CHL1: variants seen among roughly 807,000 people sequenced by gnomAD.
CHL1 encodes neural cell adhesion molecule L1-like protein.
A neutral mutation model predicts 141.9 loss-of-function variants in CHL1; 96 were observed. The ratio of observed to expected loss-of-function variants is 0.68; its 90% CI spans 0.57 to 0.80. CHL1 has a LOEUF of 0.80. CHL1 is among the 30% of genes least tolerant of loss of function. CHL1 has a pLI of 0.00. For synonymous variants in CHL1, 613 were observed against 502.2 expected (o/e 1.22, Z -2.95); for missense variants, 1,820 against 1,457.2 (o/e 1.25, Z -4.05).
intron 4 of CHL1, among the ~76,000 whole-genome samples, chr3:326,555 G>A (rs887033657): frequency 8.6e-5 from 13 of 151,326 alleles, no homozygotes; most frequent in African/African-American, 2.4e-4. Context: ...GAGTACTATT[G>A]CATGATATAC....
chr3:255,394 C>T (rs372921), intron 2 of CHL1, among the ~76,000 whole-genome samples: 25,234 of 152,120 alleles, frequency 0.17, 2,347 homozygotes, highest in East Asian at 0.39. Flanking sequence ...TTCTATGCTG[C>T]ATTGACTTAC....
intron 5 of CHL1, among the ~76,000 whole-genome samples, chr3:336,069 A>C (rs933794932): frequency 2.0e-5 from 3 of 152,248 alleles, no homozygotes; most frequent in African/African-American, 7.2e-5. Context: ...AAACATATTA[A>C]GTAGCAGATT....
intron 2 of CHL1, among the ~76,000 whole-genome samples, chr3:296,508 G>A (rs779952683): frequency 7.9e-5 from 12 of 151,744 alleles, no homozygotes; most frequent in African/African-American, 1.7e-4. Context: ...AACCACGGTC[G>A]TCGGCACTTT....
intron 3 of CHL1, among the ~76,000 whole-genome samples, chr3:320,685 G>A (rs949511742): frequency 6.6e-6 from 1 of 151,822 alleles, no homozygotes; most frequent in African/African-American, 2.4e-5. Flanking sequence ...ACAATATAGT[G>A]AGACTTTGTT....
intron 2 of CHL1, among the ~76,000 whole-genome samples, chr3:285,195 C>A (rs924965973): frequency 3.3e-5 from 5 of 152,154 alleles, no homozygotes; most frequent in African/African-American, 1.2e-4. Context: ...ACTGGAATTG[C>A]AAGTCAAACA....
intron 5 of CHL1, among the ~76,000 whole-genome samples, chr3:330,033 C>G (rs1701316164): frequency 6.6e-6 from 1 of 152,000 alleles, no homozygotes; most frequent in Non-Finnish European, 1.5e-5. Context: ...CAATCACAAG[C>G]TCCATCTAAT....
chr3:350,751 A>G (rs1011453663), intron 10 of CHL1, among the ~76,000 whole-genome samples: 1 of 152,176 alleles, frequency 6.6e-6, no homozygotes, highest in African/African-American at 2.4e-5. Flanking sequence ...GGAAGAATAG[A>G]AAACCGAAGT....
chr3:366,470 C>CA (rs5845967), intron 15 of CHL1, among the ~76,000 whole-genome samples: 4,855 of 134,664 alleles, frequency 0.036, 109 homozygotes, highest in African/African-American at 0.07. Flanking sequence ...GACTCTGTCT[C>CA]AAAAAAAAAA....
intron 2 of CHL1, among the ~76,000 whole-genome samples, chr3:269,177 G>T (rs1377137845): frequency 6.6e-6 from 1 of 152,182 alleles, no homozygotes; most frequent in Non-Finnish European, 1.5e-5. Context: ...AGTTTTGGAG[G>T]CAGGAAGGAG....
chr3:320,881 T>C (rs1229094987), intron 3 of CHL1, among the ~76,000 whole-genome samples: 3 of 152,082 alleles, frequency 2.0e-5, no homozygotes, highest in Non-Finnish European at 4.4e-5. Context: ...TTGCATCTTC[T>C]GTATATAATT....
At chr3:226,098 T>A (rs1013369960) in intron 1 of CHL1, among the ~76,000 whole-genome samples, 1 of 150,956 alleles carries the variant, frequency 6.6e-6, no homozygotes, top group Non-Finnish European at 1.5e-5. Flanking sequence ...CTCAGCTCAC[T>A]GCAACCTCCA....
At chr3:315,039 T>C (rs1303629830) in intron 2 of CHL1, among the ~76,000 whole-genome samples, 1 of 152,202 alleles carries the variant, frequency 6.6e-6, no homozygotes, top group Non-Finnish European at 1.5e-5. Flanking sequence ...GTTATGATTT[T>C]GTAACTCTAA....
At chr3:238,394 G>A (rs1692202711) in intron 1 of CHL1, among the ~76,000 whole-genome samples, 1 of 150,298 alleles carries the variant, frequency 6.7e-6, no homozygotes, top group East Asian at 2.0e-4. Flanking sequence ...AAGATCAATT[G>A]AGATCAGATA....
chr3:212,343 C>A (rs896776389), intron 1 of CHL1, among the ~76,000 whole-genome samples: 8 of 152,124 alleles, frequency 5.3e-5, no homozygotes, highest in African/African-American at 1.9e-4. Flanking sequence ...TAGCCATTTA[C>A]CATTTCCTAT....
intron 5 of CHL1, among the ~76,000 whole-genome samples, chr3:339,300 C>T (rs1450859667): frequency 6.6e-6 from 1 of 152,206 alleles, no homozygotes; most frequent in Admixed American, 6.5e-5. Context: ...TGATGTCAAT[C>T]AAAGCCGAGG....
intron 1 of CHL1, among the ~76,000 whole-genome samples, chr3:222,564 G>T (rs767601110): frequency 6.6e-6 from 1 of 152,098 alleles, no homozygotes; most frequent in Non-Finnish European, 1.5e-5. Context: ...TGATTACTAG[G>T]GAAAAGTAAA....
chr3:295,601 G>A (rs1365220436), intron 2 of CHL1, among the ~76,000 whole-genome samples: 2 of 152,164 alleles, frequency 1.3e-5, no homozygotes, highest in Admixed American at 1.3e-4. Context: ...CTCTGTCAGA[G>A]TTCTCAAATA....
At chr3:293,162 G>T (rs533334686) in intron 2 of CHL1, among the ~76,000 whole-genome samples, 16 of 152,266 alleles carry the variant, frequency 1.1e-4, no homozygotes, top group African/African-American at 3.6e-4. Context: ...AATAATAAAT[G>T]ATTTATGCAT....
chr3:256,359 A>C (rs1241243697), intron 2 of CHL1, among the ~76,000 whole-genome samples: 1 of 152,188 alleles, frequency 6.6e-6, no homozygotes, highest in African/African-American at 2.4e-5. Flanking sequence ...CAGCTATTGC[A>C]CCACTCTAAG....
Sources: gnomAD v4.1 joint callset for allele counts (sites outside exome capture counted in the v4.1 genomes callset) on GRCh38, gnomAD v4.1.1 for gene constraint, MANE v1.5 for transcripts, NCBI Gene and HGNC (gene_info 2026-07-23, HGNC 2026-07-21) for gene names.